The following SPAG16 variants were observed in gnomAD, a reference collection of about 807,000 sequenced individuals.
SPAG16 encodes sperm associated antigen 16.
In SPAG16, 86 loss-of-function variants were observed where a neutral mutation model predicts 80.4. That is an observed-to-expected ratio of 1.07 (90% CI 0.90 to 1.28). The LOEUF is 1.28. SPAG16 is among the 50% of genes most tolerant of loss of function. The pLI, the probability that SPAG16 is intolerant of heterozygous loss-of-function variation, is 0.00. For synonymous variants in SPAG16, 294 were observed against 265.9 expected (o/e 1.11, Z -1.03); for missense variants, 870 against 765.3 (o/e 1.14, Z -1.61).
At chr2:214,183,920 T>G (rs750208138) in intron 15 of SPAG16, among the ~76,000 whole-genome samples, 5 of 152,090 alleles carry the variant, frequency 3.3e-5, no homozygotes, top group Non-Finnish European at 5.9e-5. Flanking sequence ...GTACATATCT[T>G]AAAACATTTG....
chr2:213,702,110 A>G (rs1352760954), intron 10 of SPAG16, among the ~76,000 whole-genome samples: 1 of 152,214 alleles, frequency 6.6e-6, no homozygotes, highest in Admixed American at 6.5e-5. Context: ...AAATGCACCA[A>G]TCAGCGCTCT....
chr2:214,216,889 C>A (rs990385662), intron 15 of SPAG16, among the ~76,000 whole-genome samples: 7 of 152,078 alleles, frequency 4.6e-5, no homozygotes, highest in Admixed American at 2.0e-4. Flanking sequence ...GGAAACTGGG[C>A]AGATAATGAA....
intron 9 of SPAG16, among the ~76,000 whole-genome samples, chr2:213,436,602 A>C (rs1439713676): frequency 6.6e-6 from 1 of 152,134 alleles, no homozygotes; most frequent in African/African-American, 2.4e-5. Flanking sequence ...ATTGTATTAT[A>C]TTTTATACTT....
At chr2:214,035,699 A>G (rs560266047) in intron 13 of SPAG16, among the ~76,000 whole-genome samples, 2 of 152,306 alleles carry the variant, frequency 1.3e-5, no homozygotes, top group South Asian at 4.1e-4. Flanking sequence ...AAGAGTGCAG[A>G]GCTGCCAGGT....
intron 5 of SPAG16, among the ~76,000 whole-genome samples, chr2:213,320,624 T>A (rs2063574961): frequency 6.6e-6 from 1 of 151,998 alleles, no homozygotes; most frequent in Admixed American, 6.6e-5. Flanking sequence ...CTCCATGAGA[T>A]CAACTATTTT....
chr2:213,830,343 C>T (rs920208324), intron 10 of SPAG16, among the ~76,000 whole-genome samples: 1 of 152,178 alleles, frequency 6.6e-6, no homozygotes, highest in Admixed American at 6.5e-5. Flanking sequence ...ATCTGGGTCA[C>T]TCATTCACTA....
intron 13 of SPAG16, among the ~76,000 whole-genome samples, chr2:214,048,147 A>T (rs188248510): frequency 2.6e-5 from 4 of 152,142 alleles, no homozygotes; most frequent in African/African-American, 7.2e-5. Flanking sequence ...TCCTCAAAAA[A>T]CTAAAAATAG....
intron 9 of SPAG16, among the ~76,000 whole-genome samples, chr2:213,468,700 ATATATATCTGTG>A (rs967141033): frequency 6.7e-6 from 1 of 148,162 alleles, no homozygotes; most frequent in African/African-American, 2.5e-5. Flanking sequence ...ATGTGTGTAT[ATATATATCTGTG>A]TATATATATG....
intron 15 of SPAG16, among the ~76,000 whole-genome samples, chr2:214,206,833 T>G (rs2058157583): frequency 6.6e-6 from 1 of 152,166 alleles, no homozygotes; most frequent in African/African-American, 2.4e-5. Flanking sequence ...ATCACCCAAC[T>G]GGGATGAGAT....
At chr2:213,946,772 A>G (rs565057104) in intron 12 of SPAG16, among the ~76,000 whole-genome samples, 254 of 152,080 alleles carry the variant, frequency 1.7e-3, no homozygotes, top group Non-Finnish European at 3.0e-3. Context: ...AGAGCAATCA[A>G]TGCAACCAAC....
At chr2:214,242,771 C>G (rs1027638372) in intron 15 of SPAG16, among the ~76,000 whole-genome samples, 21 of 152,092 alleles carry the variant, frequency 1.4e-4, no homozygotes, top group Admixed American at 1.3e-4. Context: ...ACATAGGTCT[C>G]TTAGAGTCAA....
At chr2:214,018,345 C>A (rs1046612702) in intron 13 of SPAG16, among the ~76,000 whole-genome samples, 1 of 151,954 alleles carries the variant, frequency 6.6e-6, no homozygotes, top group East Asian at 1.9e-4. Context: ...GACAAAGACA[C>A]GTGTTATATG....
chr2:213,600,803 T>G (rs181412054), intron 10 of SPAG16, among the ~76,000 whole-genome samples: 39 of 152,346 alleles, frequency 2.6e-4, no homozygotes, highest in African/African-American at 8.9e-4. Context: ...TCCTTTTCCT[T>G]TTCTCGCTAT....
intron 10 of SPAG16, among the ~76,000 whole-genome samples, chr2:213,708,748 T>G (rs2065860253): frequency 6.6e-6 from 1 of 152,084 alleles, no homozygotes; most frequent in Non-Finnish European, 1.5e-5. Flanking sequence ...ACCATGCCAT[T>G]GCACTCCAGT....
At chr2:214,141,187 G>T (rs1443396660) in intron 14 of SPAG16, among the ~76,000 whole-genome samples, 1 of 152,024 alleles carries the variant, frequency 6.6e-6, no homozygotes, top group Non-Finnish European at 1.5e-5. Flanking sequence ...CTGAATTTTT[G>T]CCTGGGCACG....
chr2:213,854,627 A>C (rs2075067289), intron 10 of SPAG16, among the ~76,000 whole-genome samples: 1 of 152,228 alleles, frequency 6.6e-6, no homozygotes, highest in African/African-American at 2.4e-5. Flanking sequence ...TACAAGTATT[A>C]ACTTTAAAAA....
At chr2:213,535,659 T>C (rs2076217433) in intron 10 of SPAG16, among the ~76,000 whole-genome samples, 2 of 152,174 alleles carry the variant, frequency 1.3e-5, no homozygotes, top group African/African-American at 2.4e-5. Flanking sequence ...CACTTTCTCA[T>C]TGATTTGAAA....
At chr2:213,955,296 T>C (rs1038814540) in intron 12 of SPAG16, among the ~76,000 whole-genome samples, 3 of 152,044 alleles carry the variant, frequency 2.0e-5, no homozygotes, top group Admixed American at 2.0e-4. Context: ...CTTCCAGGAG[T>C]TTTATGATTT....
chr2:214,119,081 A>G (rs2054089783), intron 14 of SPAG16, among the ~76,000 whole-genome samples: 1 of 152,208 alleles, frequency 6.6e-6, no homozygotes, highest in African/African-American at 2.4e-5. Flanking sequence ...ATCACATTGT[A>G]TCCATAAATA....
Sources: allele counts gnomAD v4.1 joint callset (sites outside exome capture counted in the v4.1 genomes callset), GRCh38; gene constraint gnomAD v4.1.1; transcripts MANE v1.5; gene names NCBI Gene and HGNC (gene_info 2026-07-23, HGNC 2026-07-21).